The following METAP2 variants were observed in gnomAD, a reference collection of about 807,000 sequenced individuals.
METAP2 encodes methionyl aminopeptidase 2, also known as methionine aminopeptidase 2.
In METAP2, 25 loss-of-function variants were observed where a neutral mutation model predicts 59.4. The observed-to-expected ratio is 0.42, with a 90% CI of 0.31 to 0.59. The LOEUF (loss-of-function observed/expected upper bound fraction) is 0.59. Among genes scored for constraint, METAP2 ranks in the 20% least tolerant of loss-of-function variants. The probability of loss-of-function intolerance (pLI) is 0.16; values close to 1 mark genes in which losing one functional copy is unlikely to be tolerated. For missense variants in METAP2, 366 were observed against 581.2 expected (o/e 0.63, Z 3.81); for synonymous variants, 214 against 194.1 (o/e 1.10, Z -0.85).
chr12:95,506,119 T>G (rs927187377), intron 8 of METAP2, among the ~76,000 whole-genome samples: 3 of 151,684 alleles, frequency 2.0e-5, no homozygotes, highest in Admixed American at 6.6e-5. Flanking sequence ...AAAAAGAGTC[T>G]TCCTCTGTTG....
chr12:95,507,852 C>T (rs529868424), intron 8 of METAP2, among the ~76,000 whole-genome samples: 29 of 151,166 alleles, frequency 1.9e-4, no homozygotes, highest in Non-Finnish European at 2.9e-4. Context: ...GATCTCGGCT[C>T]ATCACAACCT....
rs202212052 is a variant in METAP2, at chr12:95,513,987, G to T, written c.*83G>T. 1.4e-6 allele frequency: 2 copies of T among 1,468,650 alleles called. No individual in the cohort carries two copies. The highest frequency in any genetic ancestry group is 1.8e-6 in the Non-Finnish European group (2 of 1,087,184). 91.0% of individuals were successfully genotyped at this position (1,468,650 alleles called of 1,614,324 possible). ...TACCAGAATTAATTTGCCACATGTTGTCTGTTTTAACAGTGGACCCATGTA... is the reference window on the plus strand; with the variant it reads ...TACCAGAATTAATTTGCCACATGTTTTCTGTTTTAACAGTGGACCCATGTA... On this transcript the variant is annotated 3_prime_UTR_variant, in exon 11 of 11. Transcript: ENST00000323666.
intron 4 of METAP2, among the ~76,000 whole-genome samples, chr12:95,492,112 G>T (rs992460474): frequency 6.9e-6 from 1 of 144,664 alleles, no homozygotes; most frequent in Non-Finnish European, 1.5e-5. Context: ...CTGGCCTATC[G>T]TGTGTATGTA....
At chr12:95,491,918 A>G (rs1371056979) in intron 4 of METAP2, among the ~76,000 whole-genome samples, 1 of 150,334 alleles carries the variant, frequency 6.7e-6, no homozygotes. Flanking sequence ...TGATCCTCCT[A>G]CCCCTTCTCC....
At chr12:95,507,582 T>G (rs2076371079) in intron 8 of METAP2, among the ~76,000 whole-genome samples, 1 of 152,260 alleles carries the variant, frequency 6.6e-6, no homozygotes, top group South Asian at 2.1e-4. Flanking sequence ...TTTAAAATTT[T>G]TTTAAATTGT....
intron 8 of METAP2, among the ~76,000 whole-genome samples, chr12:95,510,779 CAGCACTGCAA>C: frequency 2.0e-5 from 3 of 152,288 alleles, no homozygotes; most frequent in Middle Eastern, 6.8e-3. Context: ...TTTAGCTTAT[CAGCACTGCAA>C]GTATGAAAGG....
At chr12:95,492,132 TTG>T (rs61423721) in intron 4 of METAP2, among the ~76,000 whole-genome samples, 34 of 149,406 alleles carry the variant, frequency 2.3e-4, no homozygotes, top group South Asian at 1.1e-3. Context: ...ATATGTGTGT[TTG>T]TGTGTGTGTG....
intron 2 of METAP2, chr12:95,482,036 A>C: frequency 2.7e-6 from 1 of 376,080 alleles, no homozygotes; most frequent in Non-Finnish European, 5.4e-6. Flanking sequence ...TTAGATTATA[A>C]TTTTTCGTGT....
rs752983315 is a variant in METAP2 at position 95,494,980 on chromosome 12, G to A, written c.614G>A (p.Arg205His). ...AGTGAAAAGTTGGAAGACTGTTCAC[G>A]CAAGTTAATAAAAGAGAATGGATTA... ...EICEKLEDCS[R>H]KLIKENGLNA... The change falls in exon 6 of 11, where the codon CGC becomes CAC. Residue 205 changes from arginine (R) to histidine (H), a missense_variant. Arg to His is a conservative substitution (Grantham distance 29). Around this residue, in one of 4 missense-constraint regions of METAP2, gnomAD observed 106 missense variants for 221.9 expected, o/e 0.48. Transcript: ENST00000323666. 1.2e-6 allele frequency: 2 copies of A among 1,612,928 alleles called. No individual in the cohort carries two copies. Among genetic ancestry groups the A allele is most frequent in the Non-Finnish European group, 1.7e-6 (2 of 1,179,452 alleles).
chr12:95,496,055 C>A lies in METAP2; in HGVS notation c.824C>A (p.Thr275Lys), dbSNP rs201728792. ...GTCACTTTTAATCCCAAATATGATA[C>A]GTTATTAAAAGCTGTAAAAGATGCT... ...FTVTFNPKYD[T>K]LLKAVKDATN... Residue 275 changes from threonine to lysine, a missense_variant, in exon 7 of 11, where the codon ACG (threonine) becomes AAG (lysine). Thr to Lys is a moderately conservative substitution (Grantham distance 78). This residue lies in a region of METAP2 where 106 missense variants were observed against 221.9 expected (regional missense o/e 0.48). Coordinates refer to ENST00000323666, the MANE Select transcript of METAP2 (RefSeq NM_006838.4). 6.3e-7 allele frequency: 1 copy of A among 1,598,974 alleles called. No individual in the cohort carries two copies. Among genetic ancestry groups the A allele is most frequent in the East Asian group, 2.2e-5 (1 of 44,616 alleles).
Position 95,513,828 on chromosome 12 carries a change from A to G in METAP2, c.1361A>G (p.Tyr454Cys). Residue 454 changes from tyrosine to cysteine, a missense_variant, in exon 11 of 11, where the codon TAT (tyrosine) becomes TGT (cysteine). Tyr to Cys is a radical substitution (Grantham distance 194). Transcript: ENST00000323666. ...CCATTATGTGACATTAAAGGATCAT[A>G]TACAGCGCAATTTGAACATACCATC... Reference protein sequence around the residue: ...YPPLCDIKGSYTAQFEHTILL... With the variant: ...YPPLCDIKGSCTAQFEHTILL... 6.2e-7 allele frequency: 1 copy of G among 1,614,244 alleles called. No homozygotes were observed.
rs1368501601 is a variant in METAP2 at position 95,495,919 on chromosome 12, T to C, written c.773-85T>C. 4 of 806,218 alleles carry C rather than the reference T, an allele frequency of 5.0e-6. No homozygotes were observed. In the East Asian group the frequency reaches 1.0e-4, roughly 20 times the overall value. The allele number at this position is 806,218 out of a possible 1,614,324, so 49.9% of individuals were successfully genotyped here. ...CCTTCATTCTATTTTTCTGTTAAAC[T>C]AGCAAGATTAATAGATTAAATGCTG... is the stretch of plus-strand genomic sequence containing the variant. On this transcript the variant is annotated intron_variant, in intron 6 of 10. Transcript: ENST00000323666.
chr12:95,514,026 T>A lies in METAP2; in HGVS notation c.*122T>A. 1 of 1,174,212 alleles carries A rather than the reference T, an allele frequency of 8.5e-7. No homozygotes were observed. Among genetic ancestry groups the A allele is most frequent in the Non-Finnish European group, 1.2e-6 (1 of 865,826 alleles). 72.7% of individuals were successfully genotyped at this position (1,174,212 alleles called of 1,614,324 possible). ...TGGACCCATGTAATACTTTTATCCA[T>A]GTTTAAAAAAGAAGGAATTTGGACA... On this transcript the variant is annotated 3_prime_UTR_variant, in exon 11 of 11. Coordinates refer to ENST00000323666, the MANE Select transcript of METAP2 (RefSeq NM_006838.4).
intron 4 of METAP2, 52 bp downstream of exon 4, chr12:95,486,033 C>A: frequency 8.1e-7 from 1 of 1,229,372 alleles, no homozygotes; most frequent in Non-Finnish European, 1.2e-6. Flanking sequence ...TATAGCTTAG[C>A]AATAAAGCAG....
At chr12:95,476,629 C>T (rs1249316477) in intron 2 of METAP2, among the ~76,000 whole-genome samples, 1 of 152,076 alleles carries the variant, frequency 6.6e-6, no homozygotes, top group Non-Finnish European at 1.5e-5. Flanking sequence ...CAATTAATGT[C>T]ACAGATTAAA....
intron 7 of METAP2, among the ~76,000 whole-genome samples, chr12:95,501,493 G>A (rs1235934245): frequency 6.6e-6 from 1 of 152,138 alleles, no homozygotes; most frequent in Non-Finnish European, 1.5e-5. Flanking sequence ...GAGGCGGGCG[G>A]ATCACGAGGT....
intron 8 of METAP2, among the ~76,000 whole-genome samples, chr12:95,507,966 A>G (rs1488293407): frequency 2.3e-5 from 3 of 131,914 alleles, no homozygotes; most frequent in East Asian, 2.2e-4. Context: ...TTTTTTTAGT[A>G]GATGTGGTGT....
intron 2 of METAP2, 85 bp downstream of exon 2, chr12:95,476,263 T>A (rs2076117782): frequency 1.2e-6 from 1 of 825,290 alleles, no homozygotes; most frequent in Non-Finnish European, 1.9e-6. Flanking sequence ...TCCCAGCACT[T>A]TGGGAGGTCG....
In METAP2 at chr12:95,485,798, C is replaced by G. The variant is rs186720359; in HGVS notation, c.326-81C>G. On this transcript the variant is annotated intron_variant, in intron 3 of 10. Coordinates refer to ENST00000323666, the MANE Select transcript of METAP2 (RefSeq NM_006838.4). ...CCTTAAAATCAGAACATATAACAAC[C>G]ATTAGGAACTGAGAAAACTCTAATA... is the stretch of plus-strand genomic sequence containing the variant. 1.5e-5 allele frequency: 13 copies of G among 893,046 alleles called. 1 individual carries two copies. In the African/African-American group the frequency reaches 1.8e-4, roughly 12 times the overall value. 55.3% of individuals were successfully genotyped at this position (893,046 alleles called of 1,614,324 possible). A position where few individuals can be genotyped will look rare whatever the true frequency, so the allele number is the denominator to read the frequency against.
Sources: gnomAD v4.1 joint callset for allele counts (sites outside exome capture counted in the v4.1 genomes callset) on GRCh38, gnomAD v4.1.1 for gene constraint, gnomAD v4.1.1 regional missense constraint, MANE v1.5 for transcripts, NCBI Gene and HGNC (gene_info 2026-07-23, HGNC 2026-07-21) for gene names.